The following ZNF599 variants were observed in gnomAD, a reference collection of about 807,000 sequenced individuals.
ZNF599 encodes zinc finger protein 599.
In ZNF599, 10 loss-of-function variants were observed where a neutral mutation model predicts 11.7. The observed-to-expected ratio is 0.86, with a 90% CI of 0.53 to 1.45. The LOEUF (loss-of-function observed/expected upper bound fraction) is 1.45. Ranked by LOEUF, ZNF599 falls within the 40% of genes most tolerant of loss-of-function variation. The pLI is 0.00. For missense variants in ZNF599, 688 were observed against 713.6 expected (o/e 0.96, Z 0.41); for synonymous variants, 232 against 253.2 (o/e 0.92, Z 0.79).
chr19:34,776,695 A>G (rs1053442998), upstream of ZNF599, among the ~76,000 whole-genome samples: 7 of 152,210 alleles, frequency 4.6e-5, no homozygotes, highest in Non-Finnish European at 1.0e-4. Flanking sequence ...GGCTTCACCC[A>G]GGGAAGGATT....
upstream of ZNF599, among the ~76,000 whole-genome samples, chr19:34,774,810 T>TA (rs1288036772): frequency 6.6e-6 from 1 of 152,208 alleles, no homozygotes; most frequent in Non-Finnish European, 1.5e-5. Context: ...CTCAGGGTGA[T>TA]ATGTTATGCA....
At chr19:34,780,628 AGAAAG>A in the ZNF599 span, among the ~76,000 whole-genome samples, 1 of 139,830 alleles carries the variant, frequency 7.2e-6, no homozygotes, top group Non-Finnish European at 1.5e-5. Flanking sequence ...AGGGAGAGAG[AGAAAG>A]GAAAGGAAAG....
At chr19:34,765,508 G>T in intron 3 of ZNF599, 1 of 697,872 alleles carries the variant, frequency 1.4e-6, no homozygotes, top group Non-Finnish European at 2.6e-6. Flanking sequence ...CAGCTGCAGG[G>T]TTTGTGGTAA....
At position 34,759,308 on chromosome 19, in the gene ZNF599, ATG is replaced by A; in HGVS notation, c.1491_1492del (p.Met498GlufsTer12). The A allele has an allele frequency of 6.2e-7, 1 of 1,614,146 alleles. No individual in the cohort carries two copies. Among genetic ancestry groups the A allele is most frequent in the Non-Finnish European group, 8.5e-7 (1 of 1,180,022 alleles). ...GGGCTTCTCTCCAGTGTGAATCCTC[ATG>A]TGTCGAGTGAAGGAAGAGCTATAGT... On this transcript the variant is annotated frameshift_variant, in exon 4 of 4. Transcript: ENST00000329285. LOFTEE classifies it low-confidence loss of function (END_TRUNC).
chr19:34,764,579 A>AATGAACT (rs760508720), intron 3 of ZNF599: 6 of 152,354 alleles, frequency 3.9e-5, no homozygotes, highest in Non-Finnish European at 5.9e-5. Context: ...CAATGATGGT[A>AATGAACT]ATGAACTAAC....
chr19:34,801,979 C>A, the ZNF599 span, among the ~76,000 whole-genome samples: 2 of 152,180 alleles, frequency 1.3e-5, no homozygotes, highest in Non-Finnish European at 1.5e-5. Context: ...ACATACATAT[C>A]ACAGGGGTGG....
At chr19:34,802,334 A>G in the ZNF599 span, among the ~76,000 whole-genome samples, 2 of 152,222 alleles carry the variant, frequency 1.3e-5, no homozygotes, top group South Asian at 2.1e-4. Context: ...GTGCAGCACA[A>G]TGAGGAGGAG....
chr19:34,767,471 A>C (rs111302406), intron 2 of ZNF599, 60 bp from the exon 3 acceptor site: 17 of 1,351,746 alleles, frequency 1.3e-5, no homozygotes, highest in Admixed American at 1.2e-4. Context: ...GAAAAGTCTG[A>C]GGTGTAAAGG....
intron 1 of ZNF599, 131 bp downstream of exon 1, chr19:34,772,693 C>A: frequency 6.7e-7 from 1 of 1,495,396 alleles, no homozygotes; most frequent in Non-Finnish European, 8.9e-7. Context: ...ACCTCACCCT[C>A]TCCCGGGATC....
the ZNF599 span, among the ~76,000 whole-genome samples, chr19:34,794,857 C>A: frequency 6.6e-6 from 1 of 152,180 alleles, no homozygotes; most frequent in African/African-American, 2.4e-5. Context: ...AAGGGTCAAT[C>A]ACCATGCCTG....
chr19:34,779,893 G>A, the ZNF599 span: 1 of 161,710 alleles, frequency 6.2e-6, no homozygotes, highest in Non-Finnish European at 1.3e-5. Flanking sequence ...TTTGCATGAT[G>A]AGAAAGGCTG....
At chr19:34,773,523 C>T (rs556427308), upstream of ZNF599, among the ~76,000 whole-genome samples, 8 of 152,208 alleles carry the variant, frequency 5.3e-5, no homozygotes, top group South Asian at 1.2e-3. Context: ...TGTATCCCTG[C>T]GCCAGCAGTT....
At chr19:34,777,394 AATATATATTATATATAAT>A (rs2069223482), upstream of ZNF599, among the ~76,000 whole-genome samples, 1 of 88,794 alleles carries the variant, frequency 1.1e-5, no homozygotes, top group African/African-American at 4.9e-5. Context: ...ATTAATATAT[AATATATATTATATATAAT>A]ATATATTAAT....
intron 1 of ZNF599, chr19:34,772,487 C>T (rs2069189587): frequency 1.7e-6 from 2 of 1,198,794 alleles, no homozygotes; most frequent in Non-Finnish European, 2.1e-6. Context: ...AAAGACAGGA[C>T]CCACGTCACA....
the ZNF599 span, among the ~76,000 whole-genome samples, chr19:34,786,381 C>T: frequency 6.6e-6 from 1 of 152,172 alleles, no homozygotes; most frequent in African/African-American, 2.4e-5. Flanking sequence ...TAGAACACCC[C>T]GCTGCAGTGG....
At chr19:34,764,260 A>G (rs2069129272) in intron 3 of ZNF599, 1 of 152,228 alleles carries the variant, frequency 6.6e-6, no homozygotes, top group Non-Finnish European at 1.5e-5. Context: ...ACCAGGCATC[A>G]AAGAGTAAAG....
At chr19:34,803,989 G>A in the ZNF599 span, among the ~76,000 whole-genome samples, 1 of 152,140 alleles carries the variant, frequency 6.6e-6, no homozygotes, top group African/African-American at 2.4e-5. Flanking sequence ...TCAAGAACAT[G>A]CCTGACAATT....
chr19:34,802,775 T>C, the ZNF599 span, among the ~76,000 whole-genome samples: 4 of 152,238 alleles, frequency 2.6e-5, no homozygotes, highest in African/African-American at 9.6e-5. Flanking sequence ...TGCCACTTAA[T>C]AGGGCCAGGA....
At chr19:34,787,229 A>G in the ZNF599 span, among the ~76,000 whole-genome samples, 430 of 102,998 alleles carry the variant, frequency 4.2e-3, 4 homozygotes, top group African/African-American at 0.017. Flanking sequence ...TATCATCATC[A>G]TCATCATCAT....
Sources: gnomAD v4.1 joint callset for allele counts (sites outside exome capture counted in the v4.1 genomes callset) on GRCh38, gnomAD v4.1.1 for gene constraint, MANE v1.5 for transcripts, NCBI Gene and HGNC (gene_info 2026-07-23, HGNC 2026-07-21) for gene names.